SKAP1: variants seen among roughly 807,000 people sequenced by gnomAD.
The protein encoded by SKAP1 is src kinase-associated phosphoprotein 1.
A neutral mutation model predicts 58.5 loss-of-function variants in SKAP1; 44 were observed. That is an observed-to-expected ratio of 0.75 (90% CI 0.59 to 0.97). The LOEUF (loss-of-function observed/expected upper bound fraction) is 0.97, where lower values mean the gene tolerates loss of function less well. SKAP1 is among the 50% of genes least tolerant of loss of function. The probability of loss-of-function intolerance (pLI) is 0.00; values close to 1 mark genes in which losing one functional copy is unlikely to be tolerated. For missense variants in SKAP1, 390 were observed against 435.2 expected, an observed-to-expected ratio of 0.90 and a Z score of 0.92; for synonymous variants, 127 against 149.7, an observed-to-expected ratio of 0.85 and a Z score of 1.11.
At chr17:48,135,467 C>T (rs978097821) in intron 12 of SKAP1, among the ~76,000 whole-genome samples, 3 of 152,058 alleles carry the variant, frequency 2.0e-5, no homozygotes, top group African/African-American at 7.2e-5. Context: ...CTTGCTAATA[C>T]AACACAAACC....
At chr17:48,224,823 C>T (rs1165181337) in intron 4 of SKAP1, among the ~76,000 whole-genome samples, 3 of 152,080 alleles carry the variant, frequency 2.0e-5, no homozygotes, top group African/African-American at 7.2e-5. Flanking sequence ...GATGGGTGTG[C>T]TTCTGGCTGA....
intron 1 of SKAP1, among the ~76,000 whole-genome samples, chr17:48,408,603 T>C (rs1224378875): frequency 6.6e-6 from 1 of 152,184 alleles, no homozygotes; most frequent in African/African-American, 2.4e-5. Flanking sequence ...AAAGCTTATA[T>C]TGGGAATGTA....
chr17:48,337,136 T>C (rs901202810), intron 4 of SKAP1, among the ~76,000 whole-genome samples: 2 of 152,166 alleles, frequency 1.3e-5, no homozygotes, highest in Non-Finnish European at 2.9e-5. Flanking sequence ...CCATATAATC[T>C]TTCTTTCCTG....
At chr17:48,345,657 A>G (rs540270449) in intron 4 of SKAP1, among the ~76,000 whole-genome samples, 2 of 152,366 alleles carry the variant, frequency 1.3e-5, no homozygotes, top group Non-Finnish European at 2.9e-5. Context: ...AAAAAGATCA[A>G]TAATGATGTC....
chr17:48,174,168 T>C (rs1468832798), intron 9 of SKAP1, among the ~76,000 whole-genome samples: 1 of 152,106 alleles, frequency 6.6e-6, no homozygotes, highest in Non-Finnish European at 1.5e-5. Flanking sequence ...AAACATTGGC[T>C]ATAGAGCTTT....
intron 2 of SKAP1, among the ~76,000 whole-genome samples, chr17:48,395,208 C>A (rs1173081290): frequency 1.3e-5 from 2 of 152,104 alleles, no homozygotes; most frequent in Non-Finnish European, 2.9e-5. Context: ...TAATAATATG[C>A]AGCTGACAGT....
At chr17:48,199,333 T>G (rs2064693844) in intron 4 of SKAP1, among the ~76,000 whole-genome samples, 1 of 152,204 alleles carries the variant, frequency 6.6e-6, no homozygotes, top group Admixed American at 6.5e-5. Context: ...CCTTCCAGTT[T>G]CATTTTCTCC....
chr17:48,288,738 C>T (rs1165731945), intron 4 of SKAP1, among the ~76,000 whole-genome samples: 1 of 152,126 alleles, frequency 6.6e-6, no homozygotes, highest in Non-Finnish European at 1.5e-5. Flanking sequence ...TGGAGGCAGA[C>T]TGCTAGGAAT....
intron 4 of SKAP1, among the ~76,000 whole-genome samples, chr17:48,209,162 C>T (rs1244372983): frequency 6.6e-6 from 1 of 152,168 alleles, no homozygotes; most frequent in Non-Finnish European, 1.5e-5. Flanking sequence ...CAATCCTTAG[C>T]ATTAGTCTGT....
At chr17:48,291,730 G>T (rs891893673) in intron 4 of SKAP1, among the ~76,000 whole-genome samples, 1 of 152,070 alleles carries the variant, frequency 6.6e-6, no homozygotes, top group African/African-American at 2.4e-5. Flanking sequence ...GTCTTTGTGC[G>T]CTCTCATTTA....
At chr17:48,327,931 C>G (rs760479047) in intron 4 of SKAP1, among the ~76,000 whole-genome samples, 5 of 152,140 alleles carry the variant, frequency 3.3e-5, no homozygotes, top group Non-Finnish European at 5.9e-5. Context: ...TGTGCCCCGC[C>G]GTGCCTCTGT....
intron 4 of SKAP1, among the ~76,000 whole-genome samples, chr17:48,215,968 C>T (rs890307859): frequency 1.2e-4 from 19 of 152,318 alleles, no homozygotes; most frequent in African/African-American, 4.3e-4. Context: ...CAGGCCTGTT[C>T]CTCCTCACTT....
chr17:48,229,573 A>C (rs958986760), intron 4 of SKAP1, among the ~76,000 whole-genome samples: 16 of 152,112 alleles, frequency 1.1e-4, no homozygotes, highest in African/African-American at 3.6e-4. Context: ...GTGAGCTGAG[A>C]TCATGCCACT....
chr17:48,137,105 A>G, intron 12 of SKAP1, 124 bp downstream of exon 12: 1 of 587,624 alleles, frequency 1.7e-6, no homozygotes. Context: ...GTGAATCACT[A>G]GCATTAGTAT....
At chr17:48,311,210 C>T (rs773538362) in intron 4 of SKAP1, among the ~76,000 whole-genome samples, 10 of 152,064 alleles carry the variant, frequency 6.6e-5, no homozygotes, top group Non-Finnish European at 1.3e-4. Context: ...AGAAGCATGG[C>T]CATTAGATGG....
chr17:48,425,749 T>C (rs984433341), intron 1 of SKAP1, among the ~76,000 whole-genome samples: 6 of 152,168 alleles, frequency 3.9e-5, no homozygotes, highest in African/African-American at 1.4e-4. Context: ...ACTGGGAATG[T>C]AGACACACAG....
At position 48,145,609 on chromosome 17, in the gene SKAP1, C is replaced by G. The variant is rs74941285; in HGVS notation, c.979-8272G>C. On this transcript the variant is annotated intron_variant, in intron 11 of 12. Coordinates refer to ENST00000336915, the MANE Select transcript of SKAP1 (RefSeq NM_003726.4). ...TCCTCCTGTCACAGGGCCCTGAGTCCCTGTGTGGTGCTGCAAATACCCTGT... is the reference window on the plus strand; with the variant it reads ...TCCTCCTGTCACAGGGCCCTGAGTCGCTGTGTGGTGCTGCAAATACCCTGT... Among the ~76,000 whole-genome samples, 198 of 152,104 alleles carry G rather than the reference C, an allele frequency of 1.3e-3. 1 individual carries two copies. The highest frequency in any genetic ancestry group is 4.4e-3 in the African/African-American group (184 of 41,504).
At chr17:48,283,772 T>C (rs557571643) in intron 4 of SKAP1, among the ~76,000 whole-genome samples, 1 of 152,306 alleles carries the variant, frequency 6.6e-6, no homozygotes, top group African/African-American at 2.4e-5. Flanking sequence ...GTGCTCTCAG[T>C]CTGCCTAACT....
chr17:48,295,782 C>A (rs938183753), intron 4 of SKAP1, among the ~76,000 whole-genome samples: 4 of 151,834 alleles, frequency 2.6e-5, no homozygotes, highest in African/African-American at 9.7e-5. Context: ...TAGAATTATA[C>A]TTCCGGTCTC....
Sources: gnomAD v4.1 joint callset for allele counts (sites outside exome capture counted in the v4.1 genomes callset) on GRCh38, gnomAD v4.1.1 for gene constraint, MANE v1.5 for transcripts, NCBI Gene and HGNC (gene_info 2026-07-23, HGNC 2026-07-21) for gene names.